Variants in GYS1 observed in about 807,000 individuals in gnomAD.
GYS1 encodes the protein glycogen synthase 1, also known as glycogen [starch] synthase, muscle.
Under a neutral mutation model 89.1 loss-of-function variants are expected in GYS1, and 60 were observed. The observed-to-expected ratio is 0.67, with a 90% CI of 0.55 to 0.84. GYS1 has a LOEUF of 0.84. Among genes scored for constraint, GYS1 ranks in the 40% least tolerant of loss-of-function variants. The pLI is 0.00. For missense variants in GYS1, 888 were observed against 1,003.1 expected (o/e 0.89, Z 1.55); for synonymous variants, 366 against 401.7 (o/e 0.91, Z 1.06).
In GYS1 at chr19:48,982,978, C is replaced by T; in HGVS notation, c.824-141G>A. 7 of 707,474 alleles carry T rather than the reference C, an allele frequency of 9.9e-6. No homozygotes were observed. In the South Asian group the frequency reaches 1.1e-4, roughly 11 times the overall value. 43.8% of individuals were successfully genotyped at this position (707,474 alleles called of 1,614,324 possible). A position where few individuals can be genotyped will look rare whatever the true frequency, so the allele number is the denominator to read the frequency against. ...CGTTCCTATGAGGTCCCCCCTCCCA[C>T]CTTTTTTGTTTGTTTGTTTGTTTTT... On this transcript the variant is annotated intron_variant, in intron 5 of 15. Coordinates refer to ENST00000323798, the MANE Select transcript of GYS1 (RefSeq NM_002103.5).
At chr19:48,980,714 T>TC (rs1266844430) in intron 8 of GYS1, among the ~76,000 whole-genome samples, 1 of 151,226 alleles carries the variant, frequency 6.6e-6, no homozygotes, top group Non-Finnish European at 1.5e-5. Flanking sequence ...GCGCAGTGGC[T>TC]CACCCCTGTA....
At position 48,986,026 on chromosome 19, in the gene GYS1, G is replaced by C; in HGVS notation, c.502C>G (p.Gln168Glu). Residue 168 changes from glutamine to glutamate, a missense_variant, in exon 4 of 16, where the codon CAG becomes GAG. Gln to Glu is a conservative substitution (Grantham distance 29). Coordinates refer to ENST00000323798, the MANE Select transcript of GYS1 (RefSeq NM_002103.5). Reference sequence around the variant, plus strand: ...ACCACATGTGGCTTCTCCTCACTCTGTGCCAGGAACTGTGGGCAACAGGGA... The same window carrying C: ...ACCACATGTGGCTTCTCCTCACTCTCTGCCAGGAACTGTGGGCAACAGGGA... Reference protein sequence around the residue: ...TTWFLGEFLAQSEEKPHVVAH... With the variant: ...TTWFLGEFLAESEEKPHVVAH... The C allele has an allele frequency of 6.2e-7, 1 of 1,614,070 alleles. No individual in the cohort carries two copies. Among genetic ancestry groups the C allele is most frequent in the Non-Finnish European group, 8.5e-7 (1 of 1,180,008 alleles).
Position 48,974,258 on chromosome 19 carries a change from G to A in GYS1, c.1504C>T (p.Leu502Phe), listed in dbSNP as rs1199715865. The A allele has an allele frequency of 5.0e-6, 8 of 1,613,240 alleles. No homozygotes were observed. Among genetic ancestry groups the A allele is most frequent in the East Asian group, 2.2e-5 (1 of 44,880 alleles). Residue 502 changes from leucine to phenylalanine, a missense_variant, in exon 12 of 16, where the codon CTT becomes TTT. Physicochemically the swap from Leu to Phe is conservative, Grantham distance 22. Transcript: ENST00000323798. ...DYEEFVRGCH[L>F]GVFPSYYEPW... ...TCATAGTAGGAGGGGAAGACTCCAA[G>A]GTGACAGCCACGGACAAACTCCTCA...
At chr19:48,992,441 A>G (rs1020721709) in intron 1 of GYS1, among the ~76,000 whole-genome samples, 2 of 53,564 alleles carry the variant, frequency 3.7e-5, no homozygotes, top group African/African-American at 1.5e-4. Context: ...CTCTACTCCT[A>G]GGAACTAATA....
At chr19:48,979,061 G>A (rs1303672561) in intron 8 of GYS1, among the ~76,000 whole-genome samples, 2 of 152,168 alleles carry the variant, frequency 1.3e-5, no homozygotes, top group African/African-American at 2.4e-5. Flanking sequence ...AGAGGTTTGC[G>A]ATGAGGACCC....
chr19:48,982,693 T>G, intron 6 of GYS1, 27 bp downstream of exon 6: 3 of 1,455,462 alleles, frequency 2.1e-6, no homozygotes, highest in Non-Finnish European at 2.9e-6. Context: ...CCTCCTCTCT[T>G]AAGACCTAGG....
rs574419440 is a variant in GYS1 at position 48,970,746 on chromosome 19, G to A, written c.1646-37C>T. 281 of 1,602,512 alleles carry A rather than the reference G, an allele frequency of 1.8e-4. 2 individuals are homozygous for A. The South Asian group carries it at 2.9e-3, about 16-fold the overall frequency. On this transcript the variant is annotated intron_variant, in intron 13 of 15. Coordinates refer to ENST00000323798, the MANE Select transcript of GYS1 (RefSeq NM_002103.5). ...AGGACCCAGGTTCAGAAAACATCCT[G>A]GGGAGATCTTCATGGTCTCCAGGAC... is the stretch of plus-strand genomic sequence containing the variant.
chr19:48,971,380 C>A (rs140903042), intron 12 of GYS1, among the ~76,000 whole-genome samples: 42 of 152,154 alleles, frequency 2.8e-4, no homozygotes, highest in African/African-American at 9.9e-4. Context: ...CTGTAAGATC[C>A]TTTCTTGTGC....
Position 48,968,772 on chromosome 19 carries a change from G to T in GYS1, c.*516C>A, listed in dbSNP as rs1219938507. On this transcript the variant is annotated 3_prime_UTR_variant, in exon 16 of 16. Transcript: ENST00000323798. ...CCCCACTTCTGGAGTTGAAATGGAGGACCATCTGCTCTCAGTTACCTTCAA... is the reference window on the plus strand; with the variant it reads ...CCCCACTTCTGGAGTTGAAATGGAGTACCATCTGCTCTCAGTTACCTTCAA... 3 of 454,348 alleles carry T rather than the reference G, an allele frequency of 6.6e-6. No individual in the cohort carries two copies. The highest frequency in any genetic ancestry group is 8.8e-6 in the Non-Finnish European group (2 of 226,990). 28.1% of individuals were successfully genotyped at this position (454,348 alleles called of 1,614,324 possible).
intron 13 of GYS1, 75 bp from the exon 14 acceptor site, chr19:48,970,784 G>A: frequency 1.3e-6 from 2 of 1,496,276 alleles, no homozygotes; most frequent in Non-Finnish European, 1.9e-6. Flanking sequence ...TGTGGCACCA[G>A]GACCCCTCCT....
chr19:48,980,986 C>T (rs2038751768), intron 8 of GYS1, among the ~76,000 whole-genome samples: 1 of 151,930 alleles, frequency 6.6e-6, no homozygotes, highest in African/African-American at 2.4e-5. Context: ...TGGTGGCACA[C>T]CCCTGTAGTC....
Position 48,974,628 on chromosome 19 carries a change from T to C in GYS1, c.1414A>G (p.Arg472Gly). 2.5e-6 allele frequency: 4 copies of C among 1,611,552 alleles called. No individual in the cohort carries two copies. The highest frequency in any genetic ancestry group is 2.5e-6 in the Non-Finnish European group (3 of 1,177,680). ...RIGLFNSSAD[R>G]VKVIFHPEFL... The stretch of plus-strand genomic sequence containing the variant: ...TGACCAAATGCCCTCACCTTCACCC[T>C]GTCGGCACTGCTATTGAAGAGGCCG... Residue 472 changes from arginine (R) to glycine (G), a missense_variant, in exon 11 of 16, where the codon AGG (arginine) becomes GGG (glycine). Transcript: ENST00000323798.
At chr19:48,984,519 C>T (rs1416552075) in intron 5 of GYS1, among the ~76,000 whole-genome samples, 1 of 151,302 alleles carries the variant, frequency 6.6e-6, no homozygotes, top group Non-Finnish European at 1.5e-5. Context: ...CCTCAGCCTC[C>T]CGAGTAGCTG....
intron 5 of GYS1, among the ~76,000 whole-genome samples, chr19:48,983,767 T>C (rs73577752): frequency 0.019 from 2,841 of 152,272 alleles, 105 homozygotes; most frequent in African/African-American, 0.065. Flanking sequence ...AGTCCACTGA[T>C]CTTCCATTCC....
In GYS1 at chr19:48,974,720, G is replaced by A. The variant is rs1457990344; in HGVS notation, c.1322C>T (p.Pro441Leu). 1 of 1,611,938 alleles carries A rather than the reference G, an allele frequency of 6.2e-7. No homozygotes were observed. The highest frequency in any genetic ancestry group is 8.5e-7 in the Non-Finnish European group (1 of 1,178,160). The change falls in exon 11 of 16, where the codon CCC becomes CTC. Residue 441 changes from proline (P) to leucine (L), a missense_variant. Coordinates refer to ENST00000323798, the MANE Select transcript of GYS1 (RefSeq NM_002103.5). The part of the protein sequence containing the change: ...AIFATQRQSF[P>L]PVCTHNMLDD... ...CAGCATATTGTGGGTGCACACAGGGGGGAAAGACTGCCGCTGCAGGAGCCA... is the reference window on the plus strand; with the variant it reads ...CAGCATATTGTGGGTGCACACAGGGAGGAAAGACTGCCGCTGCAGGAGCCA...
chr19:48,970,191 C>G (rs1413836492), intron 14 of GYS1: 3 of 467,574 alleles, frequency 6.4e-6, no homozygotes, highest in Non-Finnish European at 1.2e-5. Flanking sequence ...TGGGTTTGAA[C>G]AAGGCTCACT....
intron 7 of GYS1, 98 bp downstream of exon 7, chr19:48,982,157 T>C (rs2038774264): frequency 1.6e-6 from 2 of 1,286,408 alleles, no homozygotes; most frequent in Admixed American, 1.7e-5. Flanking sequence ...CCTCCAAAAG[T>C]GTTGGGATTA....
At chr19:48,975,642 C>T (rs971818285) in intron 10 of GYS1, among the ~76,000 whole-genome samples, 22 of 151,944 alleles carry the variant, frequency 1.4e-4, no homozygotes, top group African/African-American at 5.3e-4. Context: ...AATTCACTTC[C>T]AACCACCAGG....
chr19:48,988,710 G>C (rs1458423406), intron 2 of GYS1, among the ~76,000 whole-genome samples: 2 of 152,090 alleles, frequency 1.3e-5, no homozygotes, highest in Non-Finnish European at 2.9e-5. Flanking sequence ...GATCTCCCAG[G>C]CTCAAGCAAT....
Sources: allele counts gnomAD v4.1 joint callset (sites outside exome capture counted in the v4.1 genomes callset), GRCh38; gene constraint gnomAD v4.1.1; transcripts MANE v1.5; gene names NCBI Gene and HGNC (gene_info 2026-07-23, HGNC 2026-07-21).